YAP1: variants seen among roughly 807,000 people sequenced by gnomAD.
YAP1 encodes the protein Yes1 associated transcriptional regulator, also known as transcriptional coactivator YAP1.
Under a neutral mutation model 56.9 loss-of-function variants are expected in YAP1, and 5 were observed. That is an observed-to-expected ratio of 0.09 (90% CI 0.05 to 0.18). The LOEUF is 0.18. Among genes scored for constraint, YAP1 ranks in the 10% least tolerant of loss-of-function variants. The pLI, the probability that YAP1 is intolerant of heterozygous loss-of-function variation, is 1.00. For missense variants in YAP1, 539 were observed against 651.8 expected, an observed-to-expected ratio of 0.83 and a Z score of 1.88; for synonymous variants, 265 against 248.1, an observed-to-expected ratio of 1.07 and a Z score of -0.64.
chr11:102,160,110 GC>G (rs1159175605), intron 2 of YAP1, among the ~76,000 whole-genome samples: 1 of 139,636 alleles, frequency 7.2e-6, no homozygotes, highest in African/African-American at 2.7e-5. Context: ...CGCAACCTCT[GC>G]CCCCTGGGTT....
intron 2 of YAP1, among the ~76,000 whole-genome samples, chr11:102,138,403 C>T (rs1944807907): frequency 1.3e-5 from 2 of 152,166 alleles, no homozygotes; most frequent in African/African-American, 4.8e-5. Context: ...TGTCTGGTGC[C>T]AGCTCATCTG....
intron 3 of YAP1, among the ~76,000 whole-genome samples, chr11:102,179,824 A>G (rs549925482): frequency 2.6e-5 from 4 of 152,252 alleles, no homozygotes; most frequent in Non-Finnish European, 4.4e-5. Flanking sequence ...GCCTGAATAT[A>G]GTAGGAACTC....
chr11:102,137,138 A>G (rs1317553602), intron 2 of YAP1, among the ~76,000 whole-genome samples: 1 of 152,222 alleles, frequency 6.6e-6, no homozygotes, highest in African/African-American at 2.4e-5. Context: ...TGTTTCTATA[A>G]TCTGAAGATG....
intron 2 of YAP1, among the ~76,000 whole-genome samples, chr11:102,133,836 A>G (rs1472174918): frequency 6.6e-6 from 1 of 152,162 alleles, no homozygotes; most frequent in African/African-American, 2.4e-5. Context: ...CAAACGAGAG[A>G]AATTTATTTC....
chr11:102,152,575 G>A (rs994825120), intron 2 of YAP1, among the ~76,000 whole-genome samples: 3 of 152,184 alleles, frequency 2.0e-5, no homozygotes, highest in African/African-American at 7.2e-5. Context: ...AGTTGGTCAG[G>A]TGGTCTCCAA....
intron 2 of YAP1, among the ~76,000 whole-genome samples, chr11:102,119,733 G>A (rs1207115430): frequency 6.6e-6 from 1 of 151,952 alleles, no homozygotes; most frequent in Non-Finnish European, 1.5e-5. Context: ...GAAAAATAAT[G>A]TGAATTCACA....
chr11:102,181,296 A>G (rs1260734932), intron 3 of YAP1, among the ~76,000 whole-genome samples: 4 of 151,918 alleles, frequency 2.6e-5, no homozygotes, highest in Non-Finnish European at 2.9e-5. Context: ...ATACAAAAAA[A>G]TTAGCCGAGC....
At chr11:102,193,267 C>T (rs1334163793) in intron 4 of YAP1, among the ~76,000 whole-genome samples, 1 of 152,014 alleles carries the variant, frequency 6.6e-6, no homozygotes. Flanking sequence ...TATTTTAATA[C>T]ATAAGATTAT....
intron 3 of YAP1, among the ~76,000 whole-genome samples, chr11:102,163,089 A>C (rs994121490): frequency 6.6e-6 from 1 of 151,972 alleles, no homozygotes; most frequent in Non-Finnish European, 1.5e-5. Flanking sequence ...TAAACCCAAA[A>C]GAATATTTCT....
chr11:102,177,594 T>G (rs1287913147), intron 3 of YAP1, among the ~76,000 whole-genome samples: 1 of 151,480 alleles, frequency 6.6e-6, no homozygotes, highest in African/African-American at 2.4e-5. Context: ...GGAGAATCGC[T>G]TGAACCCAGC....
At chr11:102,142,060 T>C (rs932484740) in intron 2 of YAP1, among the ~76,000 whole-genome samples, 6 of 152,250 alleles carry the variant, frequency 3.9e-5, no homozygotes, top group Non-Finnish European at 5.9e-5. Context: ...TCATGTAGAA[T>C]AAAGTATAAG....
Position 102,202,623 on chromosome 11 carries a change from A to G in YAP1, c.803-3270A>G, listed in dbSNP as rs192516699. 7.7e-4 allele frequency among the ~76,000 whole-genome samples: 117 copies of G among 152,216 alleles called. 1 individual carries two copies. In the Middle Eastern group the frequency reaches 0.01, roughly 13 times the overall value. On this transcript the variant is annotated intron_variant, in intron 4 of 8. Transcript: ENST00000282441. ...TACAAATTATGTTTCAGAGTAACCA[A>G]ATACTTAATATGGGAAAATTCTTAT...
At chr11:102,163,083 C>A (rs1465800186) in intron 3 of YAP1, among the ~76,000 whole-genome samples, 1 of 151,024 alleles carries the variant, frequency 6.6e-6, no homozygotes, top group African/African-American at 2.4e-5. Context: ...CTTTTGTAAA[C>A]CCAAAAGAAT....
intron 5 of YAP1, among the ~76,000 whole-genome samples, chr11:102,208,831 A>G (rs1348763543): frequency 6.6e-6 from 1 of 152,224 alleles, no homozygotes; most frequent in Non-Finnish European, 1.5e-5. Context: ...ATAATTTGTA[A>G]AGTCTAGAAA....
intron 2 of YAP1, among the ~76,000 whole-genome samples, chr11:102,142,436 T>C (rs1823315642): frequency 6.6e-6 from 1 of 152,248 alleles, no homozygotes; most frequent in Non-Finnish European, 1.5e-5. Context: ...TTTGAGATTT[T>C]AACTTGCAGC....
chr11:102,202,505 G>A (rs1319001810), intron 4 of YAP1, among the ~76,000 whole-genome samples: 2 of 150,708 alleles, frequency 1.3e-5, no homozygotes, highest in Non-Finnish European at 3.0e-5. Context: ...AACCCTCATT[G>A]GCTACCTTTT....
chr11:102,112,540 T>G, intron 1 of YAP1: 1 of 984,238 alleles, frequency 1.0e-6, no homozygotes, highest in Non-Finnish European at 1.2e-6. Context: ...CCACTCGGGA[T>G]GTAACTTGAG....
intron 1 of YAP1, among the ~76,000 whole-genome samples, chr11:102,112,171 C>G (rs1022740579): frequency 6.6e-6 from 1 of 152,194 alleles, no homozygotes; most frequent in Non-Finnish European, 1.5e-5. Flanking sequence ...TAGGCCAAGT[C>G]CTGCCTAGTT....
rs1950471785 is a variant in YAP1, at chr11:102,232,669, G to A, written c.*2729G>A. The A allele has an allele frequency of 6.6e-6, 1 of 152,584 alleles. No individual in the cohort carries two copies. The highest frequency in any genetic ancestry group is 6.5e-5 in the Admixed American group (1 of 15,280). The allele number at this position is 152,584 out of a possible 1,614,324, so 9.5% of individuals were successfully genotyped here. A position where few individuals can be genotyped will look rare whatever the true frequency, so the allele number is the denominator to read the frequency against. Reference sequence around the variant, plus strand: ...AACTGCTTCTTGGTTGTATTGGGTAGCATTGGGATAAGATTTTAACTGGGT... The same window carrying A: ...AACTGCTTCTTGGTTGTATTGGGTAACATTGGGATAAGATTTTAACTGGGT... On this transcript the variant is annotated 3_prime_UTR_variant, in exon 9 of 9. Transcript: ENST00000282441.
Sources: gnomAD v4.1 joint callset for allele counts (sites outside exome capture counted in the v4.1 genomes callset) on GRCh38, gnomAD v4.1.1 for gene constraint, MANE v1.5 for transcripts, NCBI Gene and HGNC (gene_info 2026-07-23, HGNC 2026-07-21) for gene names.